Variants in GYG2 observed in about 807,000 individuals in gnomAD.
GYG2 encodes glycogenin-2.
Under a neutral mutation model 29.4 loss-of-function variants are expected in GYG2, and 29 were observed. The ratio of observed to expected loss-of-function variants is 0.99; its 90% CI spans 0.74 to 1.35. The LOEUF (loss-of-function observed/expected upper bound fraction) is 1.35, where lower values mean the gene tolerates loss of function less well. Ranked by LOEUF, GYG2 falls within the 40% of genes most tolerant of loss-of-function variation. GYG2 has a pLI of 0.00. For missense variants in GYG2, 370 were observed against 385.7 expected (o/e 0.96, Z 0.34); for synonymous variants, 167 against 172.3 (o/e 0.97, Z 0.24).
At chrX:2,856,786 A>AT in intron 6 of GYG2, among the ~76,000 whole-genome samples, 162 bp downstream of exon 6, 1 of 68,861 alleles carries the variant, frequency 1.5e-5, no homozygotes, top group East Asian at 4.9e-4. Context: ...CTATCTATCT[A>AT]TCATCTATCT....
At chrX:2,841,053 G>A (rs1422980985) in intron 2 of GYG2, among the ~76,000 whole-genome samples, 1 of 109,828 alleles carries the variant, frequency 9.1e-6, no homozygotes, top group Non-Finnish European at 1.9e-5. Flanking sequence ...AAGATAGATC[G>A]ATTATAGTAA....
chrX:2,872,618 G>T (rs977877519), intron 8 of GYG2, among the ~76,000 whole-genome samples: 1 of 112,294 alleles, frequency 8.9e-6, no homozygotes, highest in Admixed American at 9.4e-5. Flanking sequence ...AATCCCTTCC[G>T]AGGAAGGATT....
chrX:2,861,370 C>T, intron 7 of GYG2, 152 bp from the exon 8 acceptor site: 1 of 482,115 alleles, frequency 2.1e-6, no homozygotes, highest in Non-Finnish European at 3.7e-6. Flanking sequence ...GTCAAACGGT[C>T]CTGAGAAAGA....
intron 9 of GYG2, 67 bp from the exon 10 acceptor site, chrX:2,877,133 C>A: frequency 8.5e-7 from 1 of 1,174,687 alleles, no homozygotes; most frequent in Non-Finnish European, 1.1e-6. Context: ...AGTTCTCCAT[C>A]ATTTAGGTTA....
At chrX:2,852,548 C>T (rs895091466) in intron 3 of GYG2, among the ~76,000 whole-genome samples, 2 of 111,888 alleles carry the variant, frequency 1.8e-5, no homozygotes, top group African/African-American at 6.5e-5. Context: ...AGCTTCGAGT[C>T]TCAAACTTGT....
intron 2 of GYG2, among the ~76,000 whole-genome samples, chrX:2,837,786 A>G (rs1384739713): frequency 1.8e-5 from 2 of 110,146 alleles, no homozygotes; most frequent in African/African-American, 3.3e-5. Context: ...TTCATAATAT[A>G]TATGATTTGA....
chrX:2,855,271 C>T (rs746860024), intron 5 of GYG2, 116 bp downstream of exon 5: 1 of 615,748 alleles, frequency 1.6e-6, no homozygotes, highest in East Asian at 3.3e-5. Context: ...GACAGGGATG[C>T]GGTCTGAGAA....
intron 5 of GYG2, among the ~76,000 whole-genome samples, chrX:2,856,175 G>T (rs1344438415): frequency 1.8e-5 from 2 of 111,693 alleles, no homozygotes; most frequent in Non-Finnish European, 3.8e-5. Context: ...TGGCAAAAAT[G>T]ATGGGAAAAG....
intron 8 of GYG2, among the ~76,000 whole-genome samples, chrX:2,868,774 A>G (rs1300424738): frequency 9.0e-6 from 1 of 111,119 alleles, no homozygotes; most frequent in Admixed American, 9.7e-5. Flanking sequence ...CCACCATGGC[A>G]CACGTATACC....
intron 2 of GYG2, among the ~76,000 whole-genome samples, chrX:2,834,822 GT>G (rs2087339690): frequency 8.9e-6 from 1 of 111,963 alleles, no homozygotes; most frequent in Non-Finnish European, 1.9e-5. Flanking sequence ...GATAAGCAGT[GT>G]CCCCCATAAA....
intron 2 of GYG2, 151 bp downstream of exon 2, chrX:2,830,346 G>A (rs2087236919): frequency 4.0e-6 from 2 of 498,501 alleles, no homozygotes; most frequent in Non-Finnish European, 6.9e-6. Flanking sequence ...TCTCTCTGGG[G>A]CTGGAGGGAA....
chrX:2,848,890 C>A (rs887077229), intron 3 of GYG2, among the ~76,000 whole-genome samples: 20 of 110,216 alleles, frequency 1.8e-4, no homozygotes, highest in Admixed American at 1.8e-3. Flanking sequence ...TTTGTGGGAC[C>A]TTTTATTATA....
At chrX:2,838,452 C>CTCCTCCCTTCCTCCTT (rs1555895865) in intron 2 of GYG2, among the ~76,000 whole-genome samples, 1 of 72,705 alleles carries the variant, frequency 1.4e-5, no homozygotes, top group Non-Finnish European at 2.6e-5. Flanking sequence ...CCCCTCCCCT[C>CTCCTCCCTTCCTCCTT]CCCTCCCTTC....
rs751420857 is a variant in GYG2, at chrX:2,856,506, C to A, written c.496C>A (p.Gln166Lys). The stretch of plus-strand genomic sequence containing the variant: ...GTTTGCTCATTATGTAGGGGCAGAC[C>A]AAGGCTTACTGAATAGTTTCTTCAG... ...MEHGSFDGAD[Q>K]GLLNSFFRNW... The change falls in exon 6 of 11, where the codon CAA (glutamine) becomes AAA (lysine). Residue 166 changes from glutamine (Q) to lysine (K), a missense_variant. Transcript: ENST00000398806. The A allele has an allele frequency of 8.3e-7, 1 of 1,209,107 alleles. No homozygotes were observed. The highest frequency in any genetic ancestry group is 1.8e-5 in the South Asian group (1 of 56,743).
chrX:2,845,769 GCATGTGTATGTATATATATA>G (rs2087702383), intron 3 of GYG2, among the ~76,000 whole-genome samples: 1 of 102,964 alleles, frequency 9.7e-6, no homozygotes, highest in Non-Finnish European at 2.0e-5. Flanking sequence ...GTATATATAT[GCATGTGTATGTATATATATA>G]CATGTGTATG....
At chrX:2,877,356 C>T (rs1219224334) in intron 10 of GYG2, 49 bp downstream of exon 10, 1 of 1,193,533 alleles carries the variant, frequency 8.4e-7, no homozygotes, top group Non-Finnish European at 1.1e-6. Flanking sequence ...TGGGGGCCAT[C>T]CACCGTCACT....
At chrX:2,864,959 A>G (rs938134534) in intron 8 of GYG2, among the ~76,000 whole-genome samples, 3 of 110,704 alleles carry the variant, frequency 2.7e-5, no homozygotes, top group Admixed American at 9.7e-5. Flanking sequence ...GGGTTTCACC[A>G]TGTTGGCCAG....
chrX:2,881,370 A>T lies in GYG2; in HGVS notation c.*157A>T. 4 of 462,636 alleles carry T rather than the reference A, an allele frequency of 8.6e-6. No individual in the cohort carries two copies. The highest frequency in any genetic ancestry group is 1.4e-5 in the Non-Finnish European group (4 of 284,309). The allele number at this position is 462,636 out of a possible 1,213,427, so 38.1% of individuals were successfully genotyped here. A position where few individuals can be genotyped will look rare whatever the true frequency, so the allele number is the denominator to read the frequency against. On this transcript the variant is annotated 3_prime_UTR_variant, in exon 11 of 11. Coordinates refer to ENST00000398806, the MANE Select transcript of GYG2 (RefSeq NM_001079855.2). Reference sequence around the variant, plus strand: ...TTTGAGTGCCTCACACAAAAAACGTAGAGTATAGAAATCCACCTTAAAGCC... The same window carrying T: ...TTTGAGTGCCTCACACAAAAAACGTTGAGTATAGAAATCCACCTTAAAGCC...
chrX:2,861,662 G>A lies in GYG2; in HGVS notation c.978G>A (p.Pro326=), dbSNP rs1477051066. The A allele has an allele frequency of 6.6e-6, 8 of 1,203,462 alleles. No homozygotes were observed. Among genetic ancestry groups the A allele is most frequent in the South Asian group, 1.8e-5 (1 of 55,765 alleles). ...LGSNQPAQGL[P]EPTQIVDETL... The stretch of plus-strand genomic sequence containing the variant: ...CTAACCAGCCTGCTCAGGGCCTTCC[G>A]GAGCCGACCCAGATAGTGGATGAGA... The change falls in exon 8 of 11, where the codon CCG becomes CCA. Residue 326 remains proline, a synonymous_variant. Coordinates refer to ENST00000398806, the MANE Select transcript of GYG2 (RefSeq NM_001079855.2).
Sources: allele counts gnomAD v4.1 joint callset (sites outside exome capture counted in the v4.1 genomes callset), GRCh38; gene constraint gnomAD v4.1.1; transcripts MANE v1.5; gene names NCBI Gene and HGNC (gene_info 2026-07-23, HGNC 2026-07-21).